TRAPPC9: variants seen among roughly 807,000 people sequenced by gnomAD.
The protein encoded by TRAPPC9 is IKK2 binding protein.
TRAPPC9 carries 83 observed loss-of-function variants against 124.0 expected under a neutral mutation model. The observed-to-expected ratio is 0.67, with a 90% CI of 0.56 to 0.80. The LOEUF is 0.80. Ranked by LOEUF, TRAPPC9 falls within the 30% of genes least tolerant of loss-of-function variation. TRAPPC9 has a pLI of 0.00. For missense variants in TRAPPC9, 1,302 were observed against 1,508.3 expected, an observed-to-expected ratio of 0.86 and a Z score of 2.27; for synonymous variants, 638 against 617.5, an observed-to-expected ratio of 1.03 and a Z score of -0.49.
chr8:140,157,917 T>C (rs937006204), intron 17 of TRAPPC9, among the ~76,000 whole-genome samples: 8 of 152,256 alleles, frequency 5.3e-5, no homozygotes, highest in Non-Finnish European at 1.0e-4. Context: ...CACACTGTTT[T>C]ATAACTTGCC....
In TRAPPC9 at chr8:139,825,392, A is replaced by G. The variant is rs1036542809; in HGVS notation, c.3055+60487T>C. Among the ~76,000 whole-genome samples, 1 of 152,166 alleles carries G rather than the reference A, an allele frequency of 6.6e-6. No homozygotes were observed. The highest frequency in any genetic ancestry group is 1.5e-5 in the Non-Finnish European group (1 of 68,020). ...GTGAGGATGAAGGCCTGTCCATCCC[A>G]TGGCTGTGCAGGATAAGGAATGACG... On this transcript the variant is annotated intron_variant, in intron 21 of 22. Transcript: ENST00000438773. The surrounding 1 kb of genome is among the most constrained non-coding windows in gnomAD (Gnocchi z 4.6).
intron 8 of TRAPPC9, among the ~76,000 whole-genome samples, chr8:140,363,225 A>T (rs1262407063): frequency 6.6e-6 from 1 of 152,234 alleles, no homozygotes; most frequent in Non-Finnish European, 1.5e-5. Context: ...AGCAACACAA[A>T]TAAGATTTAA....
chr8:140,014,044 T>C (rs1377498740), intron 18 of TRAPPC9, among the ~76,000 whole-genome samples: 1 of 152,106 alleles, frequency 6.6e-6, no homozygotes, highest in Non-Finnish European at 1.5e-5. Flanking sequence ...TGGAAAAAGA[T>C]CTACCACGAT....
chr8:139,923,035 GC>G (rs1832604119), intron 19 of TRAPPC9, among the ~76,000 whole-genome samples: 1 of 151,526 alleles, frequency 6.6e-6, no homozygotes, highest in African/African-American at 2.4e-5. Flanking sequence ...CCCTACAACA[GC>G]TTTTGTAGAA....
At chr8:140,133,138 T>C (rs1031147548) in intron 17 of TRAPPC9, among the ~76,000 whole-genome samples, 1 of 152,206 alleles carries the variant, frequency 6.6e-6, no homozygotes, top group Non-Finnish European at 1.5e-5. Context: ...GTCTTCCTGA[T>C]GGATACCGAT....
chr8:140,283,439 C>T (rs565677339), intron 14 of TRAPPC9, among the ~76,000 whole-genome samples: 198 of 150,394 alleles, frequency 1.3e-3, no homozygotes, highest in Admixed American at 2.0e-3. Context: ...TGACTACAGG[C>T]GCCCGCCACC....
chr8:140,156,724 C>T (rs1365695454), intron 17 of TRAPPC9, among the ~76,000 whole-genome samples: 1 of 152,178 alleles, frequency 6.6e-6, no homozygotes, highest in African/African-American at 2.4e-5. Context: ...TAAGTTACAA[C>T]CATGAAGAAA....
At chr8:140,417,280 T>G (rs1460904009) in intron 5 of TRAPPC9, among the ~76,000 whole-genome samples, 1 of 152,140 alleles carries the variant, frequency 6.6e-6, no homozygotes, top group Non-Finnish European at 1.5e-5. Flanking sequence ...ACAGGCAACC[T>G]ACAGAATGGG....
At chr8:140,297,314 ACATG>A (rs1216260339) in intron 11 of TRAPPC9, among the ~76,000 whole-genome samples, 2 of 152,084 alleles carry the variant, frequency 1.3e-5, no homozygotes, top group Non-Finnish European at 2.9e-5. Context: ...ACACACACAC[ACATG>A]CATGCACACA....
chr8:140,105,435 T>G (rs2060646441), intron 17 of TRAPPC9, among the ~76,000 whole-genome samples: 2 of 152,298 alleles, frequency 1.3e-5, no homozygotes, highest in South Asian at 4.2e-4. Flanking sequence ...GTGCCTTTCT[T>G]CCTGGAACTA....
At chr8:139,763,691 G>C (rs943018198) in intron 21 of TRAPPC9, among the ~76,000 whole-genome samples, 1 of 152,206 alleles carries the variant, frequency 6.6e-6, no homozygotes, top group Non-Finnish European at 1.5e-5. Context: ...CACACACGTC[G>C]ATCATTCAGG....
intron 17 of TRAPPC9, among the ~76,000 whole-genome samples, chr8:140,046,166 C>T (rs192406758): frequency 2.7e-5 from 4 of 150,740 alleles, no homozygotes; most frequent in Admixed American, 6.6e-5. Context: ...CTGTGCTGAG[C>T]GGTCTTGCCG....
intron 17 of TRAPPC9, among the ~76,000 whole-genome samples, chr8:140,141,393 A>G (rs952999715): frequency 9.9e-5 from 15 of 152,258 alleles, no homozygotes; most frequent in Admixed American, 8.5e-4. Context: ...GTCACTTAGG[A>G]GCTGCCTTGG....
chr8:139,900,528 C>A (rs1257295214), intron 20 of TRAPPC9, among the ~76,000 whole-genome samples: 2 of 152,220 alleles, frequency 1.3e-5, no homozygotes, highest in Admixed American at 6.5e-5. Flanking sequence ...TATCAGTAGT[C>A]ATTCTTCCTT....
At chr8:139,946,909 C>A (rs998939354) in intron 19 of TRAPPC9, among the ~76,000 whole-genome samples, 1 of 152,058 alleles carries the variant, frequency 6.6e-6, no homozygotes, top group African/African-American at 2.4e-5. Context: ...ATCGCTTGAA[C>A]CCAGGAGGCA....
chr8:139,917,023 C>A (rs1395840969), intron 19 of TRAPPC9, among the ~76,000 whole-genome samples: 1 of 152,138 alleles, frequency 6.6e-6, no homozygotes, highest in Non-Finnish European at 1.5e-5. Flanking sequence ...ACTCGTCCAT[C>A]CTGAATGAGA....
At chr8:139,915,049 A>G (rs1832026483) in intron 19 of TRAPPC9, among the ~76,000 whole-genome samples, 1 of 152,210 alleles carries the variant, frequency 6.6e-6, no homozygotes. Context: ...AACTGCGTGG[A>G]AAAGGCCAGT....
intron 21 of TRAPPC9, among the ~76,000 whole-genome samples, chr8:139,780,795 T>A (rs1821764833): frequency 6.6e-6 from 1 of 150,904 alleles, no homozygotes; most frequent in Non-Finnish European, 1.5e-5. Flanking sequence ...TTATCCAAAA[T>A]ATACGAAGAA....
chr8:140,089,724 G>C (rs920304304), intron 17 of TRAPPC9, among the ~76,000 whole-genome samples: 1 of 152,094 alleles, frequency 6.6e-6, no homozygotes, highest in Non-Finnish European at 1.5e-5. Flanking sequence ...TGGCACACAG[G>C]AGAGGTCCCG....
Sources: gnomAD v4.1 joint callset for allele counts (sites outside exome capture counted in the v4.1 genomes callset) on GRCh38, gnomAD v4.1.1 for gene constraint, Gnocchi (gnomAD v3.1) non-coding constraint, MANE v1.5 for transcripts, NCBI Gene and HGNC (gene_info 2026-07-23, HGNC 2026-07-21) for gene names.